The following GRID1 variants were observed in gnomAD, a reference collection of about 807,000 sequenced individuals.
The protein encoded by GRID1 is glutamate receptor ionotropic, delta-1.
Under a neutral mutation model 98.0 loss-of-function variants are expected in GRID1, and 28 were observed. That is an observed-to-expected ratio of 0.29 (90% CI 0.21 to 0.39). The LOEUF is 0.39. Among genes scored for constraint, GRID1 ranks in the 10% least tolerant of loss-of-function variants. The probability of loss-of-function intolerance (pLI) is 1.00; values close to 1 mark genes in which losing one functional copy is unlikely to be tolerated. For missense variants in GRID1, 1,111 were observed against 1,340.5 expected, an observed-to-expected ratio of 0.83 and a Z score of 2.67; for synonymous variants, 553 against 538.5, an observed-to-expected ratio of 1.03 and a Z score of -0.37.
chr10:85,916,080 C>G lies in GRID1; in HGVS notation c.780+106G>C. 1 of 890,204 alleles carries G rather than the reference C, an allele frequency of 1.1e-6. No homozygotes were observed. The highest frequency in any genetic ancestry group is 2.1e-5 in the Admixed American group (1 of 48,712). 55.1% of individuals were successfully genotyped at this position (890,204 alleles called of 1,614,324 possible). A position where few individuals can be genotyped will look rare whatever the true frequency, so the allele number is the denominator to read the frequency against. ...GGGCTAGGTGGAGCCCCAGGATTCA[C>G]AACAGCCCCCTAAGTCAGAATTGAA... On this transcript the variant is annotated intron_variant, in intron 5 of 15. Coordinates refer to ENST00000327946, the MANE Select transcript of GRID1 (RefSeq NM_017551.3). The surrounding 1 kb of genome is among the most constrained non-coding windows in gnomAD (Gnocchi z 4.0).
intron 2 of GRID1, among the ~76,000 whole-genome samples, chr10:86,275,776 C>T (rs1847259838): frequency 6.6e-6 from 1 of 152,032 alleles, no homozygotes. Flanking sequence ...CCTAAATGAC[C>T]TATGAGATAC....
At chr10:85,845,899 T>C (rs1384305756) in intron 8 of GRID1, among the ~76,000 whole-genome samples, 1 of 152,146 alleles carries the variant, frequency 6.6e-6, no homozygotes, top group African/African-American at 2.4e-5. Context: ...ATCACTGATA[T>C]CAAGTTAAAA....
chr10:85,620,066 G>C, intron 13 of GRID1, 33 bp from the exon 14 acceptor site: 1 of 1,588,746 alleles, frequency 6.3e-7, no homozygotes, highest in Non-Finnish European at 8.6e-7. Context: ...AAGTCAGGCA[G>C]TCCTGGCCAG....
chr10:85,708,968 T>A, intron 12 of GRID1: 1 of 230,200 alleles, frequency 4.3e-6, no homozygotes, highest in Non-Finnish European at 9.1e-6. Context: ...ATACCATATA[T>A]CAATGAAAGC....
rs1425059556 is a variant in GRID1, at chr10:85,619,947, G to T, written c.2280C>A (p.Val760=). 1 of 1,614,018 alleles carries T rather than the reference G, an allele frequency of 6.2e-7. No homozygotes were observed. The highest frequency in any genetic ancestry group is 8.5e-7 in the Non-Finnish European group (1 of 1,179,974). Reference sequence around the variant, plus strand: ...CCTTGCTGCTGATGCTGTTGCCGATGACAGTCACCGAGCAGTCGTCATCCG... The same window carrying T: ...CCTTGCTGCTGATGCTGTTGCCGATTACAGTCACCGAGCAGTCGTCATCCG... ...ALTDDDCSVT[V]IGNSISSKGY... Residue 760 remains valine (V), a synonymous_variant, in exon 14 of 16, where the codon GTC becomes GTA. Transcript: ENST00000327946.
chr10:86,187,888 C>A (rs532196001), intron 3 of GRID1, among the ~76,000 whole-genome samples: 91 of 152,318 alleles, frequency 6.0e-4, no homozygotes, highest in African/African-American at 1.9e-3. Flanking sequence ...ATGTCAGAGT[C>A]ACAGGGACCA....
chr10:86,017,299 C>T (rs930059628), intron 4 of GRID1, among the ~76,000 whole-genome samples: 1 of 152,204 alleles, frequency 6.6e-6, no homozygotes, highest in Admixed American at 6.5e-5. Flanking sequence ...TATTCTCCAT[C>T]TTCTTTCTCT....
intron 8 of GRID1, among the ~76,000 whole-genome samples, chr10:85,848,173 T>C (rs1367822214): frequency 6.6e-6 from 1 of 152,152 alleles, no homozygotes; most frequent in Non-Finnish European, 1.5e-5. Flanking sequence ...CTTTATATAC[T>C]ACTCATGGAT....
At chr10:86,151,387 T>C (rs1564690862) in intron 3 of GRID1, among the ~76,000 whole-genome samples, 2 of 151,780 alleles carry the variant, frequency 1.3e-5, no homozygotes. Context: ...ATCTGTCTAC[T>C]ATAAAGGGCT....
intron 12 of GRID1, among the ~76,000 whole-genome samples, chr10:85,649,069 T>C (rs1021158838): frequency 1.3e-5 from 2 of 152,218 alleles, no homozygotes; most frequent in Non-Finnish European, 2.9e-5. Context: ...TGTGTTCAGC[T>C]CTCAGAGCAG....
At chr10:85,899,251 C>T (rs1301987006) in intron 5 of GRID1, among the ~76,000 whole-genome samples, 4 of 152,202 alleles carry the variant, frequency 2.6e-5, no homozygotes, top group African/African-American at 7.2e-5. Context: ...GATTTCCTTC[C>T]TTTTTAAGGC....
chr10:85,785,786 G>C (rs930837846), intron 8 of GRID1, among the ~76,000 whole-genome samples: 2 of 152,056 alleles, frequency 1.3e-5, no homozygotes, highest in Non-Finnish European at 2.9e-5. Context: ...GGAACTTTAT[G>C]TGACTCAGGA....
chr10:86,309,587 T>G (rs1847804942), intron 2 of GRID1, among the ~76,000 whole-genome samples: 1 of 152,190 alleles, frequency 6.6e-6, no homozygotes, highest in Admixed American at 6.5e-5. Context: ...GGCAGCATCC[T>G]GTCCTGGCAG....
At chr10:85,987,486 A>T (rs1842624018) in intron 4 of GRID1, among the ~76,000 whole-genome samples, 1 of 12,524 alleles carries the variant, frequency 8.0e-5, no homozygotes, top group Non-Finnish European at 1.5e-4. Context: ...CCCTAACCTA[A>T]TCACGCCCCC....
chr10:86,073,081 T>C (rs1843826984), intron 4 of GRID1, among the ~76,000 whole-genome samples: 1 of 152,194 alleles, frequency 6.6e-6, no homozygotes, highest in African/African-American at 2.4e-5. Flanking sequence ...TTGTAAGTTG[T>C]TTGTTAGTAA....
chr10:86,097,131 T>C (rs1462712411), intron 4 of GRID1, among the ~76,000 whole-genome samples: 4 of 152,260 alleles, frequency 2.6e-5, no homozygotes, highest in South Asian at 4.1e-4. Context: ...ACTTCACTGG[T>C]CCTAAGACCT....
intron 6 of GRID1, among the ~76,000 whole-genome samples, chr10:85,865,458 T>C (rs1431052566): frequency 6.6e-6 from 1 of 152,150 alleles, no homozygotes; most frequent in African/African-American, 2.4e-5. Flanking sequence ...AATTCCCTGT[T>C]CTTCTTGGTC....
intron 13 of GRID1, among the ~76,000 whole-genome samples, chr10:85,633,110 A>G (rs1415624989): frequency 6.6e-6 from 1 of 151,936 alleles, no homozygotes; most frequent in Non-Finnish European, 1.5e-5. Flanking sequence ...TTGCATTTTT[A>G]GTAGAGATGA....
intron 2 of GRID1, among the ~76,000 whole-genome samples, chr10:86,278,735 C>G (rs543321659): frequency 1.3e-5 from 2 of 152,238 alleles, no homozygotes; most frequent in African/African-American, 2.4e-5. Flanking sequence ...AAACAGATAA[C>G]CTGACTAGCC....
Sources: gnomAD v4.1 joint callset for allele counts (sites outside exome capture counted in the v4.1 genomes callset) on GRCh38, gnomAD v4.1.1 for gene constraint, Gnocchi (gnomAD v3.1) non-coding constraint, MANE v1.5 for transcripts, NCBI Gene and HGNC (gene_info 2026-07-23, HGNC 2026-07-21) for gene names.